Variants in ARL15 observed in about 807,000 individuals in gnomAD.
ARL15 encodes the protein ADP-ribosylation factor-like protein 15.
ARL15 carries 19 observed loss-of-function variants against 25.2 expected under a neutral mutation model. That is an observed-to-expected ratio of 0.75 (90% CI 0.53 to 1.10). ARL15 has a LOEUF of 1.10. ARL15 is among the 50% of genes least tolerant of loss of function. ARL15 has a pLI of 0.00. For missense variants in ARL15, 220 were observed against 246.0 expected, an observed-to-expected ratio of 0.89 and a Z score of 0.71; for synonymous variants, 94 against 86.8, an observed-to-expected ratio of 1.08 and a Z score of -0.46.
At chr5:54,262,294 C>A (rs1408761961) in intron 1 of ARL15, among the ~76,000 whole-genome samples, 1 of 152,102 alleles carries the variant, frequency 6.6e-6, no homozygotes, top group Non-Finnish European at 1.5e-5. Flanking sequence ...GAATTGGGAG[C>A]AGAATAGTGA....
In ARL15 at chr5:53,886,297, A is replaced by G. The variant is rs1006762767; in HGVS notation, c.*264T>C. 1.1e-5 allele frequency: 4 copies of G among 359,122 alleles called. No homozygotes were observed. Among genetic ancestry groups the G allele is most frequent in the Non-Finnish European group, 2.0e-5 (4 of 197,272 alleles). The allele number at this position is 359,122 out of a possible 1,614,324, so 22.2% of individuals were successfully genotyped here. A position where few individuals can be genotyped will look rare whatever the true frequency, so the allele number is the denominator to read the frequency against. On this transcript the variant is annotated 3_prime_UTR_variant, in exon 5 of 5. Coordinates refer to ENST00000504924, the MANE Select transcript of ARL15 (RefSeq NM_019087.3). ...GAGTATAGAAGAGATGCTTAGAACA[A>G]CAGAAGGAAGAGACATGCGGGGAAG... is the stretch of plus-strand genomic sequence containing the variant.
chr5:54,143,935 A>G lies in ARL15; in HGVS notation c.253+10645T>C, dbSNP rs572138783. 8.6e-5 allele frequency among the ~76,000 whole-genome samples: 13 copies of G among 152,044 alleles called. No homozygotes were observed. In the South Asian group the frequency reaches 2.7e-3, roughly 32 times the overall value. On this transcript the variant is annotated intron_variant, in intron 3 of 4. Transcript: ENST00000504924. Reference sequence around the variant, plus strand: ...ATTGCCTTTAAGACACATAAACTTCAATTTTTTTCTTCTTTAAATCATAAT... The same window carrying G: ...ATTGCCTTTAAGACACATAAACTTCGATTTTTTTCTTCTTTAAATCATAAT...
intron 4 of ARL15, among the ~76,000 whole-genome samples, chr5:54,107,850 A>G (rs180821384): frequency 6.6e-6 from 1 of 152,270 alleles, no homozygotes; most frequent in Admixed American, 6.5e-5. Flanking sequence ...GACATTTCTT[A>G]TATAACGTAT....
intron 2 of ARL15, 94 bp downstream of exon 2, chr5:54,171,690 A>T: frequency 1.5e-6 from 2 of 1,371,082 alleles, no homozygotes. Flanking sequence ...AAAGCATTAA[A>T]CTATAAGTAG....
intron 3 of ARL15, among the ~76,000 whole-genome samples, chr5:54,121,061 T>C (rs959349083): frequency 7.9e-5 from 12 of 152,168 alleles, no homozygotes; most frequent in African/African-American, 2.2e-4. Flanking sequence ...TCATCCTATA[T>C]AGCATAAAGT....
intron 4 of ARL15, among the ~76,000 whole-genome samples, chr5:53,956,430 A>T (rs1404577071): frequency 1.3e-5 from 2 of 149,458 alleles, no homozygotes; most frequent in Admixed American, 6.6e-5. Flanking sequence ...AGTATGGTCC[A>T]TTCACAAAAG....
At chr5:54,073,732 T>A (rs965153488) in intron 4 of ARL15, among the ~76,000 whole-genome samples, 10 of 152,216 alleles carry the variant, frequency 6.6e-5, no homozygotes, top group African/African-American at 1.9e-4. Flanking sequence ...TTCCTACTTC[T>A]AGTCCCCTTG....
chr5:54,085,491 T>C (rs2112124229), intron 4 of ARL15, among the ~76,000 whole-genome samples: 1 of 152,286 alleles, frequency 6.6e-6, no homozygotes, highest in African/African-American at 2.4e-5. Flanking sequence ...CTCCCAAATA[T>C]ATAATCAGTG....
intron 4 of ARL15, among the ~76,000 whole-genome samples, chr5:54,021,326 A>G (rs1005815587): frequency 1.3e-5 from 2 of 152,172 alleles, no homozygotes; most frequent in African/African-American, 4.8e-5. Flanking sequence ...CAAGAGTGAA[A>G]CTCCATTTCA....
chr5:54,059,626 A>G (rs573151428), intron 4 of ARL15, among the ~76,000 whole-genome samples: 2 of 152,336 alleles, frequency 1.3e-5, no homozygotes, highest in African/African-American at 4.8e-5. Flanking sequence ...TTCAATGGTT[A>G]CCTCTACCAA....
intron 4 of ARL15, among the ~76,000 whole-genome samples, chr5:54,106,180 T>A (rs945612130): frequency 1.3e-5 from 2 of 152,164 alleles, no homozygotes; most frequent in Non-Finnish European, 2.9e-5. Flanking sequence ...ACAAGTTGAA[T>A]CTTTTTAAAA....
Position 53,901,187 on chromosome 5 carries a change from C to G in ARL15, c.463-14474G>C, listed in dbSNP as rs372292229. 1.1e-4 allele frequency among the ~76,000 whole-genome samples: 17 copies of G among 152,240 alleles called. No individual in the cohort carries two copies. The South Asian group carries it at 3.1e-3, about 28-fold the overall frequency. On this transcript the variant is annotated intron_variant, in intron 4 of 4. Coordinates refer to ENST00000504924, the MANE Select transcript of ARL15 (RefSeq NM_019087.3). ...CCTCCTTTCCTTCCTTTCTGTCAAT[C>G]ATTTCCACTCCACTCTTTCAAAAGA... is the stretch of plus-strand genomic sequence containing the variant.
At chr5:53,987,149 T>C (rs878781) in intron 4 of ARL15, among the ~76,000 whole-genome samples, 97,301 of 151,958 alleles carry the variant, frequency 0.64, 31,572 homozygotes, top group East Asian at 0.86. Flanking sequence ...AATTTCAAGA[T>C]ATGGCTCAAG....
chr5:54,060,172 C>A (rs964686348), intron 4 of ARL15, among the ~76,000 whole-genome samples: 2 of 149,680 alleles, frequency 1.3e-5, no homozygotes, highest in South Asian at 4.3e-4. Context: ...CGGTGTCTCA[C>A]ACCTGTAATC....
chr5:54,004,223 G>A (rs183910448), intron 4 of ARL15, among the ~76,000 whole-genome samples: 4,498 of 152,200 alleles, frequency 0.03, 88 homozygotes, highest in Middle Eastern at 0.068. Flanking sequence ...GGCCGGGTGT[G>A]GTGGCTCACG....
intron 1 of ARL15, among the ~76,000 whole-genome samples, chr5:54,213,577 A>G (rs1756102362): frequency 6.6e-6 from 1 of 152,224 alleles, no homozygotes; most frequent in Non-Finnish European, 1.5e-5. Flanking sequence ...TGAGGAAAAC[A>G]GGAATAAAGA....
chr5:54,023,927 A>G (rs1358186794), intron 4 of ARL15, among the ~76,000 whole-genome samples: 1 of 152,124 alleles, frequency 6.6e-6, no homozygotes, highest in Non-Finnish European at 1.5e-5. Context: ...TATGTTCTTC[A>G]AGCCCACTGA....
intron 1 of ARL15, among the ~76,000 whole-genome samples, chr5:54,230,908 A>G (rs574853380): frequency 3.9e-5 from 6 of 152,150 alleles, no homozygotes; most frequent in African/African-American, 1.4e-4. Flanking sequence ...TACTATTTCT[A>G]TTTTACAGGA....
At chr5:53,939,721 G>A (rs1458530833) in intron 4 of ARL15, among the ~76,000 whole-genome samples, 2 of 151,432 alleles carry the variant, frequency 1.3e-5, no homozygotes, top group Non-Finnish European at 2.9e-5. Flanking sequence ...GAGATAAAGC[G>A]AGACTCCGTC....
Sources: allele counts gnomAD v4.1 joint callset (sites outside exome capture counted in the v4.1 genomes callset), GRCh38; gene constraint gnomAD v4.1.1; transcripts MANE v1.5; gene names NCBI Gene and HGNC (gene_info 2026-07-23, HGNC 2026-07-21).